SV2C: variants seen among roughly 807,000 people sequenced by gnomAD.
SV2C encodes the protein synaptic vesicle glycoprotein 2C.
Under a neutral mutation model 79.7 loss-of-function variants are expected in SV2C, and 49 were observed. The ratio of observed to expected loss-of-function variants is 0.61; its 90% CI spans 0.49 to 0.78. The LOEUF is 0.78. Among genes scored for constraint, SV2C ranks in the 30% least tolerant of loss-of-function variants. The pLI, the probability that SV2C is intolerant of heterozygous loss-of-function variation, is 0.00. For missense variants in SV2C, 833 were observed against 912.9 expected, an observed-to-expected ratio of 0.91 and a Z score of 1.13; for synonymous variants, 334 against 333.2, an observed-to-expected ratio of 1.00 and a Z score of -0.03.
intron 4 of SV2C, among the ~76,000 whole-genome samples, chr5:76,277,373 T>G (rs1202893983): frequency 2.6e-5 from 4 of 152,198 alleles, no homozygotes; most frequent in African/African-American, 9.6e-5. Context: ...GTGGATAAAC[T>G]AAATGTGATA....
At chr5:76,275,985 G>A (rs147874106) in intron 4 of SV2C, among the ~76,000 whole-genome samples, 1 of 152,180 alleles carries the variant, frequency 6.6e-6, no homozygotes, top group Non-Finnish European at 1.5e-5. Flanking sequence ...TCATTTAAAA[G>A]AATCCATTTT....
chr5:76,194,556 T>A (rs1744211438), intron 2 of SV2C, among the ~76,000 whole-genome samples: 1 of 152,118 alleles, frequency 6.6e-6, no homozygotes, highest in African/African-American at 2.4e-5. Context: ...AAATATACCC[T>A]CCACACCCAG....
the SV2C span, among the ~76,000 whole-genome samples, chr5:76,061,854 G>T: frequency 3.9e-5 from 6 of 152,196 alleles, no homozygotes; most frequent in African/African-American, 1.4e-4. Flanking sequence ...TGTACATGAA[G>T]ATAATTGCAA....
At chr5:75,976,483 A>G in the SV2C span, among the ~76,000 whole-genome samples, 1 of 151,926 alleles carries the variant, frequency 6.6e-6, no homozygotes, top group African/African-American at 2.4e-5. Flanking sequence ...ATGTGCAGAG[A>G]GGATGCAGCC....
chr5:75,876,370 A>C, the SV2C span, among the ~76,000 whole-genome samples: 1 of 152,144 alleles, frequency 6.6e-6, no homozygotes, highest in Non-Finnish European at 1.5e-5. Flanking sequence ...CTAAATGATA[A>C]GAACTTATGA....
chr5:75,951,085 T>G, the SV2C span, among the ~76,000 whole-genome samples: 1 of 152,002 alleles, frequency 6.6e-6, no homozygotes, highest in Admixed American at 6.6e-5. Flanking sequence ...ATTAGAACTA[T>G]CTTGATAATT....
the SV2C span, among the ~76,000 whole-genome samples, chr5:75,888,827 A>G: frequency 1.3e-5 from 2 of 152,094 alleles, no homozygotes; most frequent in Admixed American, 1.3e-4. Context: ...AATCTTGCAT[A>G]TTATCCTTTA....
the SV2C span, among the ~76,000 whole-genome samples, chr5:76,019,547 T>C: frequency 6.6e-6 from 1 of 152,152 alleles, no homozygotes; most frequent in East Asian, 1.9e-4. Context: ...TGCTCACCTC[T>C]TTTCCTTCTC....
chr5:76,131,856 C>G lies in SV2C; in HGVS notation c.106C>G (p.Arg36Gly). 1 of 1,613,944 alleles carries G rather than the reference C, an allele frequency of 6.2e-7. No individual in the cohort carries two copies. The highest frequency in any genetic ancestry group is 1.1e-5 in the South Asian group (1 of 91,070). Residue 36 changes from arginine (R) to glycine (G), a missense_variant, in exon 2 of 13, where the codon CGA becomes GGA. Coordinates refer to ENST00000502798, the MANE Select transcript of SV2C (RefSeq NM_014979.4). Reference protein sequence around the residue: ...TVKKVNQAVDRAQDEYTQRSY... With the variant: ...TVKKVNQAVDGAQDEYTQRSY... ...AAAGAAGGTGAATCAAGCTGTGGAC[C>G]GAGCCCAGGATGAATACACCCAGAG...
chr5:75,882,016 G>A, the SV2C span, among the ~76,000 whole-genome samples: 1 of 149,942 alleles, frequency 6.7e-6, no homozygotes, highest in Non-Finnish European at 1.5e-5. Context: ...AAGTGTTGTT[G>A]AATTTTGTCA....
the SV2C span, among the ~76,000 whole-genome samples, chr5:75,983,656 T>G: frequency 2.6e-5 from 4 of 151,852 alleles, no homozygotes; most frequent in African/African-American, 9.7e-5. Context: ...GTATTTTGCA[T>G]GTAGAAGGCA....
At chr5:76,251,836 T>C (rs1422988012) in intron 4 of SV2C, among the ~76,000 whole-genome samples, 1 of 152,216 alleles carries the variant, frequency 6.6e-6, no homozygotes, top group East Asian at 1.9e-4. Flanking sequence ...ATCACTTATG[T>C]ACATGACCAC....
the SV2C span, among the ~76,000 whole-genome samples, chr5:76,040,301 T>C: frequency 6.6e-6 from 1 of 152,210 alleles, no homozygotes; most frequent in Non-Finnish European, 1.5e-5. Context: ...AAAGGAAAGA[T>C]AATGGGTTAA....
chr5:75,978,095 A>C, the SV2C span, among the ~76,000 whole-genome samples: 2 of 152,146 alleles, frequency 1.3e-5, no homozygotes, highest in East Asian at 3.9e-4. Flanking sequence ...CTACCACTTC[A>C]CCAAAATTGC....
the SV2C span, among the ~76,000 whole-genome samples, chr5:75,853,504 A>C: frequency 0.069 from 10,125 of 147,044 alleles, 801 homozygotes; most frequent in African/African-American, 0.19. Context: ...TGCAGTGAGC[A>C]CAGATCGCGC....
chr5:76,212,498 G>A (rs1381982725), intron 4 of SV2C, among the ~76,000 whole-genome samples: 12 of 149,038 alleles, frequency 8.1e-5, no homozygotes, highest in Admixed American at 2.0e-4. Flanking sequence ...CTTCTTAGCC[G>A]GCCTTCAGGC....
the SV2C span, among the ~76,000 whole-genome samples, chr5:75,968,916 A>T: frequency 6.6e-6 from 1 of 152,238 alleles, no homozygotes; most frequent in Non-Finnish European, 1.5e-5. Context: ...TGTTAACGGC[A>T]GCCAGAGAGA....
At chr5:75,888,345 T>G in the SV2C span, among the ~76,000 whole-genome samples, 2 of 97,810 alleles carry the variant, frequency 2.0e-5, no homozygotes, top group Non-Finnish European at 4.1e-5. Context: ...AAAAAAAAAA[T>G]TTTTTTTTTG....
the SV2C span, among the ~76,000 whole-genome samples, chr5:75,936,245 C>A: frequency 6.6e-6 from 1 of 152,168 alleles, no homozygotes; most frequent in African/African-American, 2.4e-5. Context: ...TTTCTCCTGA[C>A]ACATCTGCAC....
Sources: gnomAD v4.1 joint callset for allele counts (sites outside exome capture counted in the v4.1 genomes callset) on GRCh38, gnomAD v4.1.1 for gene constraint, MANE v1.5 for transcripts, NCBI Gene and HGNC (gene_info 2026-07-23, HGNC 2026-07-21) for gene names.